Variants in PHACTR1 observed in about 807,000 individuals in gnomAD.
PHACTR1 encodes phosphatase and actin regulator 1, also known as RPEL repeat containing 1.
A neutral mutation model predicts 69.2 loss-of-function variants in PHACTR1; 16 were observed. The ratio of observed to expected loss-of-function variants is 0.23; its 90% CI spans 0.16 to 0.35. The LOEUF is 0.35. PHACTR1 is among the 10% of genes least tolerant of loss of function. The pLI, the probability that PHACTR1 is intolerant of heterozygous loss-of-function variation, is 1.00. For missense variants in PHACTR1, 510 were observed against 734.7 expected, an observed-to-expected ratio of 0.69 and a Z score of 3.54; for synonymous variants, 312 against 284.5, an observed-to-expected ratio of 1.10 and a Z score of -0.97.
At chr6:13,280,653 G>A (rs972153616) in intron 12 of PHACTR1, 5 of 300,818 alleles carry the variant, frequency 1.7e-5, no homozygotes, top group South Asian at 5.6e-5. Flanking sequence ...GAGGCTGATA[G>A]CAACAGACCA....
chr6:13,109,408 G>A (rs1561842238), intron 5 of PHACTR1, among the ~76,000 whole-genome samples: 1 of 151,780 alleles, frequency 6.6e-6, no homozygotes, highest in Non-Finnish European at 1.5e-5. Context: ...TTTTCTCTGA[G>A]TATAGAATTA....
At chr6:12,830,008 G>A (rs1486356133) in intron 4 of PHACTR1, among the ~76,000 whole-genome samples, 11 of 128,774 alleles carry the variant, frequency 8.5e-5, no homozygotes, top group African/African-American at 2.4e-4. Flanking sequence ...ACGAAAAGAA[G>A]GAAGGAAGGA....
At chr6:13,087,686 G>A (rs982006636) in intron 5 of PHACTR1, among the ~76,000 whole-genome samples, 11 of 150,664 alleles carry the variant, frequency 7.3e-5, no homozygotes, top group South Asian at 6.3e-4. Flanking sequence ...TCCCACTGTT[G>A]CACAGGTGGT....
intron 3 of PHACTR1, among the ~76,000 whole-genome samples, chr6:12,728,948 G>A (rs1464789240): frequency 6.6e-6 from 1 of 152,110 alleles, no homozygotes; most frequent in Non-Finnish European, 1.5e-5. Context: ...AAGTCATATA[G>A]GAATGACTAA....
intron 3 of PHACTR1, among the ~76,000 whole-genome samples, chr6:12,733,514 A>G (rs1255888578): frequency 6.6e-6 from 1 of 152,146 alleles, no homozygotes; most frequent in Non-Finnish European, 1.5e-5. Context: ...GCTTTCCCCT[A>G]CAACATCCTG....
At chr6:12,766,011 C>T (rs992556394) in intron 4 of PHACTR1, among the ~76,000 whole-genome samples, 2 of 152,126 alleles carry the variant, frequency 1.3e-5, no homozygotes, top group Admixed American at 6.5e-5. Flanking sequence ...ACAGCCTGAC[C>T]ATAGTGTGTT....
chr6:13,217,082 C>T (rs766790600), intron 8 of PHACTR1, among the ~76,000 whole-genome samples: 1 of 152,214 alleles, frequency 6.6e-6, no homozygotes, highest in South Asian at 2.1e-4. Context: ...AATATTAAAA[C>T]ACTAAAGGAA....
intron 4 of PHACTR1, among the ~76,000 whole-genome samples, chr6:12,802,807 G>A (rs1773864199): frequency 6.6e-6 from 1 of 152,130 alleles, no homozygotes; most frequent in South Asian, 2.1e-4. Flanking sequence ...TTGATGGAAA[G>A]CCCCTTGGCA....
At chr6:12,777,625 C>CTTTTT (rs869096915) in intron 4 of PHACTR1, among the ~76,000 whole-genome samples, 181 of 98,992 alleles carry the variant, frequency 1.8e-3, no homozygotes, top group Middle Eastern at 7.8e-3. Flanking sequence ...CTTTCTTCTT[C>CTTTTT]TTTTTTTTTT....
At chr6:12,840,276 T>C (rs16873431) in intron 4 of PHACTR1, among the ~76,000 whole-genome samples, 28,118 of 152,214 alleles carry the variant, frequency 0.18, 2,762 homozygotes, top group African/African-American at 0.25. Context: ...TGCTAATTCA[T>C]TCAAGAATGC....
chr6:13,049,660 AAC>A (rs1412617835), intron 4 of PHACTR1, among the ~76,000 whole-genome samples: 3 of 152,190 alleles, frequency 2.0e-5, no homozygotes, highest in Non-Finnish European at 2.9e-5. Context: ...TTTTGGCTAT[AAC>A]ACGTGTTTAG....
intron 4 of PHACTR1, among the ~76,000 whole-genome samples, chr6:13,025,636 G>A (rs940321169): frequency 6.6e-6 from 1 of 151,426 alleles, no homozygotes; most frequent in Non-Finnish European, 1.5e-5. Flanking sequence ...AACCTGTGAT[G>A]TAAGTCAGGC....
At chr6:13,285,459 G>C (rs1479458047) in intron 13 of PHACTR1, among the ~76,000 whole-genome samples, 3 of 152,166 alleles carry the variant, frequency 2.0e-5, no homozygotes, top group Non-Finnish European at 4.4e-5. Flanking sequence ...GAGTGAGGTT[G>C]TCTCTGGCCC....
intron 4 of PHACTR1, among the ~76,000 whole-genome samples, chr6:12,852,918 G>A (rs78973152): frequency 0.017 from 2,585 of 152,222 alleles, 57 homozygotes; most frequent in South Asian, 0.051. Context: ...TCTCGGATCT[G>A]GTGAGTACCC....
intron 5 of PHACTR1, among the ~76,000 whole-genome samples, chr6:13,071,565 C>A (rs1368215951): frequency 6.6e-6 from 1 of 152,120 alleles, no homozygotes; most frequent in Non-Finnish European, 1.5e-5. Context: ...TGGGAGAGGT[C>A]TGTGTGGAGT....
At chr6:12,787,833 T>C (rs1172355704) in intron 4 of PHACTR1, among the ~76,000 whole-genome samples, 1 of 152,154 alleles carries the variant, frequency 6.6e-6, no homozygotes, top group Non-Finnish European at 1.5e-5. Flanking sequence ...CAGAGGGCAC[T>C]TGGGGCCATA....
chr6:13,066,791 G>C (rs1025459965), intron 5 of PHACTR1, among the ~76,000 whole-genome samples: 2 of 152,110 alleles, frequency 1.3e-5, no homozygotes, highest in African/African-American at 2.4e-5. Flanking sequence ...GCTTTTCCAT[G>C]GGGTTTCTTC....
chr6:12,731,835 G>A (rs1234835127), intron 3 of PHACTR1, among the ~76,000 whole-genome samples: 1 of 152,126 alleles, frequency 6.6e-6, no homozygotes, highest in South Asian at 2.1e-4. Context: ...ATCCATGTAC[G>A]GGCATGTGGG....
At position 13,205,350 on chromosome 6, in the gene PHACTR1, A is replaced by G. The variant is rs142110700; in HGVS notation, c.665-465A>G. ...ACCCAAATGCCTCCCACTAGGCCCC[A>G]CCTGTTAAAGGTTCCACCTCCCGAC... is the stretch of plus-strand genomic sequence containing the variant. On this transcript the variant is annotated intron_variant, in intron 7 of 14. Transcript: ENST00000332995. 3.3e-3 allele frequency among the ~76,000 whole-genome samples: 500 copies of G among 152,278 alleles called. 2 individuals are homozygous for G. Among genetic ancestry groups the G allele is most frequent in the African/African-American group, 0.011 (473 of 41,564 alleles).
Sources: gnomAD v4.1 joint callset for allele counts (sites outside exome capture counted in the v4.1 genomes callset) on GRCh38, gnomAD v4.1.1 for gene constraint, MANE v1.5 for transcripts, NCBI Gene and HGNC (gene_info 2026-07-23, HGNC 2026-07-21) for gene names.